KCNIP4: variants seen among roughly 807,000 people sequenced by gnomAD.
KCNIP4 encodes the protein Kv channel-interacting protein 4.
In KCNIP4, 12 loss-of-function variants were observed where a neutral mutation model predicts 34.0. The observed-to-expected ratio is 0.35, with a 90% confidence interval of 0.23 to 0.57. The LOEUF (loss-of-function observed/expected upper bound fraction) is 0.57, where lower values mean the gene tolerates loss of function less well. Ranked by LOEUF, KCNIP4 falls within the 20% of genes least tolerant of loss-of-function variation. The pLI is 0.83. For synonymous variants in KCNIP4, 124 were observed against 102.2 expected (o/e 1.21, Z -1.29); for missense variants, 238 against 311.7 (o/e 0.76, Z 1.78).
chr4:21,069,346 C>T (rs1404099953), intron 1 of KCNIP4, among the ~76,000 whole-genome samples: 1 of 152,106 alleles, frequency 6.6e-6, no homozygotes, highest in Non-Finnish European at 1.5e-5. Flanking sequence ...TGGTTTCATT[C>T]AGCACATCAT....
intron 5 of KCNIP4, among the ~76,000 whole-genome samples, chr4:20,738,195 CT>C (rs1750165241): frequency 6.6e-6 from 1 of 151,924 alleles, no homozygotes; most frequent in African/African-American, 2.4e-5. Flanking sequence ...AACATAGAGC[CT>C]TATTCAAGGA....
intron 1 of KCNIP4, among the ~76,000 whole-genome samples, chr4:21,299,051 T>C (rs114484169): frequency 0.019 from 2,891 of 152,184 alleles, 101 homozygotes; most frequent in African/African-American, 0.065. Flanking sequence ...ACTCTATAGG[T>C]CTAAGTTTTC....
intron 2 of KCNIP4, among the ~76,000 whole-genome samples, chr4:20,862,929 G>T (rs1722365104): frequency 6.6e-6 from 1 of 152,090 alleles, no homozygotes; most frequent in Admixed American, 6.6e-5. Flanking sequence ...AAGAACACAT[G>T]GATACATAGA....
intron 1 of KCNIP4, among the ~76,000 whole-genome samples, chr4:21,259,929 G>T (rs1486181952): frequency 6.8e-6 from 1 of 147,488 alleles, no homozygotes; most frequent in Non-Finnish European, 1.5e-5. Context: ...GTGCACGTGC[G>T]CTTATGTGCA....
At chr4:21,338,960 A>T (rs1052063440) in intron 1 of KCNIP4, among the ~76,000 whole-genome samples, 1 of 152,182 alleles carries the variant, frequency 6.6e-6, no homozygotes, top group East Asian at 1.9e-4. Flanking sequence ...TGTAGGTTCT[A>T]TAGGAATCTA....
chr4:21,712,218 T>C (rs965357300), intron 1 of KCNIP4, among the ~76,000 whole-genome samples: 1 of 152,236 alleles, frequency 6.6e-6, no homozygotes, highest in Admixed American at 6.5e-5. Flanking sequence ...CTAAAATATT[T>C]TTAAAGAATA....
chr4:21,073,926 T>A (rs1054032126), intron 1 of KCNIP4, among the ~76,000 whole-genome samples: 70 of 152,340 alleles, frequency 4.6e-4, no homozygotes, highest in African/African-American at 1.6e-3. Flanking sequence ...TCTGTTTATA[T>A]GCTGGATTAC....
At chr4:21,767,628 A>G (rs1718509309) in intron 1 of KCNIP4, among the ~76,000 whole-genome samples, 1 of 152,072 alleles carries the variant, frequency 6.6e-6, no homozygotes, top group Admixed American at 6.6e-5. Context: ...AAATCCTTAC[A>G]AGTCTGTAAT....
At chr4:21,413,868 G>C (rs1009534257) in intron 1 of KCNIP4, among the ~76,000 whole-genome samples, 2 of 152,060 alleles carry the variant, frequency 1.3e-5, no homozygotes, top group Non-Finnish European at 1.5e-5. Flanking sequence ...TTTATCACAG[G>C]GTTATTAGTC....
rs1388054532 is a variant in KCNIP4, at chr4:21,371,803, A to C, written c.62-489094T>G. 1.4e-5 allele frequency among the ~76,000 whole-genome samples: 2 copies of C among 147,144 alleles called. 1 individual carries two copies. Among genetic ancestry groups the C allele is most frequent in the African/African-American group, 5.4e-5 (2 of 36,844 alleles). ...CTAAATATTGATCTCTAATATTCAA[A>C]TTCATCATTTTAAAGGTCAAGGCTT... On this transcript the variant is annotated intron_variant, in intron 1 of 8. Transcript: ENST00000382152.
At chr4:21,657,871 C>T (rs1277259632) in intron 1 of KCNIP4, among the ~76,000 whole-genome samples, 1 of 149,178 alleles carries the variant, frequency 6.7e-6, no homozygotes, top group Non-Finnish European at 1.5e-5. Context: ...GACGGAGTCT[C>T]GCTTTGTCGC....
chr4:21,564,892 T>A (rs558065996), intron 1 of KCNIP4, among the ~76,000 whole-genome samples: 1 of 152,108 alleles, frequency 6.6e-6, no homozygotes, highest in East Asian at 1.9e-4. Flanking sequence ...GAGGGAGAAC[T>A]CCCTCATTAC....
intron 3 of KCNIP4, among the ~76,000 whole-genome samples, chr4:20,782,372 C>A (rs558264277): frequency 2.4e-4 from 37 of 152,262 alleles, no homozygotes; most frequent in Admixed American, 6.5e-4. Context: ...CCCCACATAT[C>A]CCTTCTGCAC....
intron 1 of KCNIP4, among the ~76,000 whole-genome samples, chr4:21,239,743 T>G (rs1260888402): frequency 6.6e-6 from 1 of 152,122 alleles, no homozygotes; most frequent in Non-Finnish European, 1.5e-5. Flanking sequence ...GGAGAGGATG[T>G]GGAGAAATAG....
chr4:20,874,893 T>C (rs1219939845), intron 2 of KCNIP4, among the ~76,000 whole-genome samples: 4 of 152,198 alleles, frequency 2.6e-5, no homozygotes, highest in Admixed American at 2.6e-4. Context: ...CAGGGTTAAA[T>C]GGAGTTTCTA....
intron 1 of KCNIP4, among the ~76,000 whole-genome samples, chr4:21,447,648 T>G (rs908593691): frequency 1.3e-5 from 2 of 152,182 alleles, no homozygotes; most frequent in East Asian, 3.9e-4. Flanking sequence ...TACAGTAAGA[T>G]ATTAACACCA....
chr4:21,202,811 G>A (rs1246922653), intron 1 of KCNIP4, among the ~76,000 whole-genome samples: 2 of 152,128 alleles, frequency 1.3e-5, no homozygotes, highest in African/African-American at 4.8e-5. Context: ...CCTGCTGGCT[G>A]TGTCACTCAA....
intron 1 of KCNIP4, among the ~76,000 whole-genome samples, chr4:21,618,311 A>C (rs996912183): frequency 5.3e-5 from 8 of 152,216 alleles, no homozygotes; most frequent in African/African-American, 1.9e-4. Context: ...CCCTTTAAAA[A>C]ATAAGTCAAT....
At chr4:21,428,671 C>A (rs1726140603) in intron 1 of KCNIP4, among the ~76,000 whole-genome samples, 1 of 152,070 alleles carries the variant, frequency 6.6e-6, no homozygotes, top group African/African-American at 2.4e-5. Context: ...TGCTGACTAG[C>A]CACAAGGAAA....
Sources: gnomAD v4.1 joint callset for allele counts (sites outside exome capture counted in the v4.1 genomes callset) on GRCh38, gnomAD v4.1.1 for gene constraint, MANE v1.5 for transcripts, NCBI Gene and HGNC (gene_info 2026-07-23, HGNC 2026-07-21) for gene names.